NUDT14: variants seen among roughly 807,000 people sequenced by gnomAD.
NUDT14 encodes the protein uridine diphosphate glucose pyrophosphatase NUDT14.
A neutral mutation model predicts 17.5 loss-of-function variants in NUDT14; 22 were observed. That is an observed-to-expected ratio of 1.26 (90% CI 0.90 to 1.80). The LOEUF is 1.80. NUDT14 is among the 40% of genes most tolerant of loss of function. The pLI is 0.00. For missense variants in NUDT14, 296 were observed against 295.6 expected (o/e 1.00, Z -0.01); for synonymous variants, 129 against 125.8 (o/e 1.03, Z -0.17).
intron 2 of NUDT14, 105 bp from the exon 3 acceptor site, chr14:105,177,132 AG>A: frequency 9.2e-7 from 1 of 1,085,148 alleles, no homozygotes; most frequent in South Asian, 1.3e-5. Flanking sequence ...CCTCCTTGCC[AG>A]CAGCCCAGGG....
intron 4 of NUDT14, 96 bp downstream of exon 4, chr14:105,176,438 G>A (rs1412124612): frequency 2.0e-6 from 2 of 1,022,668 alleles, no homozygotes; most frequent in Admixed American, 1.8e-5. Context: ...AAAACAAGGA[G>A]GAATCCATCC....
rs587735509 is a variant in NUDT14 at position 105,173,335 on chromosome 14, C to T, written c.429-74G>A. 208 of 1,402,270 alleles carry T rather than the reference C, an allele frequency of 1.5e-4. No homozygotes were observed. In the African/African-American group the frequency reaches 2.7e-3, roughly 18 times the overall value. The allele number at this position is 1,402,270 out of a possible 1,614,324, so 86.9% of individuals were successfully genotyped here. A position where few individuals can be genotyped will look rare whatever the true frequency, so the allele number is the denominator to read the frequency against. On this transcript the variant is annotated intron_variant, in intron 4 of 4. Coordinates refer to ENST00000392568, the MANE Select transcript of NUDT14 (RefSeq NM_177533.5). This position sits in a 1 kb window ranked among gnomAD's most constrained non-coding sequence, Gnocchi z 4.7. ...GCCCCCTGGCCCTTCTACCACCCTC[C>T]AACCCACCCTCTCCACTCTGCTCCC...
intron 4 of NUDT14, among the ~76,000 whole-genome samples, chr14:105,174,283 G>C (rs976491883): frequency 1.3e-5 from 2 of 152,084 alleles, no homozygotes; most frequent in African/African-American, 4.8e-5. Context: ...TGGCAGAGGG[G>C]CTGGGCTGCA....
chr14:105,178,963 A>G (rs1889274018), intron 1 of NUDT14, among the ~76,000 whole-genome samples: 1 of 152,084 alleles, frequency 6.6e-6, no homozygotes, highest in East Asian at 1.9e-4. Context: ...CACTCCCGGG[A>G]GGCGACCCCA....
At position 105,174,009 on chromosome 14, in the gene NUDT14, C is replaced by T. The variant is rs1889160458; in HGVS notation, c.429-748G>A. Among the ~76,000 whole-genome samples, 3 of 152,200 alleles carry T rather than the reference C, an allele frequency of 2.0e-5. No homozygotes were observed. The South Asian group carries it at 6.2e-4, about 32-fold the overall frequency. ...TCCCGCAAGGGTTCCCCACCAGGCA[C>T]CCACAGGACACAAGTTTCAGACTAG... On this transcript the variant is annotated intron_variant, in intron 4 of 4. Transcript: ENST00000392568.
At chr14:105,179,383 T>C (rs2141304559) in intron 1 of NUDT14, among the ~76,000 whole-genome samples, 1 of 152,288 alleles carries the variant, frequency 6.6e-6, no homozygotes, top group Admixed American at 6.5e-5. Flanking sequence ...TCCAGCCCAA[T>C]GTCCCTTGGC....
intron 4 of NUDT14, among the ~76,000 whole-genome samples, chr14:105,174,888 CAG>C (rs1359202843): frequency 6.6e-6 from 1 of 152,204 alleles, no homozygotes; most frequent in African/African-American, 2.4e-5. Flanking sequence ...GAATCAGAGA[CAG>C]GGAGCCACGG....
intron 2 of NUDT14, chr14:105,177,269 G>A: frequency 1.6e-6 from 1 of 643,942 alleles, no homozygotes; most frequent in Non-Finnish European, 2.8e-6. Context: ...GCGGGGGGCA[G>A]GGAAGGACAC....
At chr14:105,177,851 C>G in intron 1 of NUDT14, 116 bp from the exon 2 acceptor site, 1 of 963,012 alleles carries the variant, frequency 1.0e-6, no homozygotes, top group South Asian at 1.5e-5. Context: ...GGCTCGTGGC[C>G]TGGGCCCACG....
intron 1 of NUDT14, among the ~76,000 whole-genome samples, chr14:105,178,135 AGAG>A (rs1298558284): frequency 6.6e-6 from 1 of 151,956 alleles, no homozygotes; most frequent in Non-Finnish European, 1.5e-5. Flanking sequence ...CCCTGCAGGC[AGAG>A]GAGAGGTCAG....
chr14:105,174,133 G>A (rs1889163312), intron 4 of NUDT14, among the ~76,000 whole-genome samples: 1 of 152,124 alleles, frequency 6.6e-6, no homozygotes, highest in African/African-American at 2.4e-5. Flanking sequence ...GGCCCAGGCT[G>A]GGGAGGGGTA....
At chr14:105,174,640 C>CGCGGCT (rs1889173407) in intron 4 of NUDT14, among the ~76,000 whole-genome samples, 1 of 152,136 alleles carries the variant, frequency 6.6e-6, no homozygotes, top group South Asian at 2.1e-4. Context: ...CGGCGGCGGC[C>CGCGGCT]GCGGCTGCGC....
chr14:105,181,115 G>C lies in NUDT14; in HGVS notation c.81+14C>G. ...GCCGGCGGGGGCGCGGGGGACGCGGGGGCGCGGGCTCACCTGGCGGTAATG... is the reference window on the plus strand; with the variant it reads ...GCCGGCGGGGGCGCGGGGGACGCGGCGGCGCGGGCTCACCTGGCGGTAATG... On this transcript the variant is annotated intron_variant, in intron 1 of 4. Coordinates refer to ENST00000392568, the MANE Select transcript of NUDT14 (RefSeq NM_177533.5). The surrounding 1 kb of genome is among the most constrained non-coding windows in gnomAD (Gnocchi z 5.0). 1 of 1,014,822 alleles carries C rather than the reference G, an allele frequency of 9.9e-7. No individual in the cohort carries two copies. Among genetic ancestry groups the C allele is most frequent in the Non-Finnish European group, 1.2e-6 (1 of 836,848 alleles). The allele number at this position is 1,014,822 out of a possible 1,614,324, so 62.9% of individuals were successfully genotyped here.
chr14:105,175,760 G>C, intron 4 of NUDT14: 1 of 1,007,852 alleles, frequency 9.9e-7, no homozygotes, highest in Non-Finnish European at 1.2e-6. Context: ...ACGTGCCCAG[G>C]TGAAGTCCTT....
intron 1 of NUDT14, among the ~76,000 whole-genome samples, chr14:105,179,550 G>A (rs982699579): frequency 1.3e-5 from 2 of 152,270 alleles, no homozygotes; most frequent in Admixed American, 1.3e-4. Flanking sequence ...CACGGGGAGT[G>A]AGGGAGAGAG....
At chr14:105,176,872 A>G (rs1256945646) in intron 3 of NUDT14, 91 bp downstream of exon 3, 4 of 1,552,482 alleles carry the variant, frequency 2.6e-6, no homozygotes, top group Non-Finnish European at 3.5e-6. Flanking sequence ...CTTCCCCTGG[A>G]GCCCCCTCCC....
At chr14:105,180,328 G>A (rs1889300258) in intron 1 of NUDT14, among the ~76,000 whole-genome samples, 1 of 152,102 alleles carries the variant, frequency 6.6e-6, no homozygotes, top group Non-Finnish European at 1.5e-5. Context: ...AGCCAGGTGT[G>A]GTGGTGTGCA....
At chr14:105,177,186 G>A (rs767073190) in intron 2 of NUDT14, 159 bp from the exon 3 acceptor site, 26 of 687,620 alleles carry the variant, frequency 3.8e-5, no homozygotes, top group South Asian at 2.9e-4. Context: ...AGGCCCAGGC[G>A]GGACCAGAGC....
chr14:105,173,276 A>G lies in NUDT14; in HGVS notation c.429-15T>C. 1 of 1,508,688 alleles carries G rather than the reference A, an allele frequency of 6.6e-7. No homozygotes were observed. The allele number at this position is 1,508,688 out of a possible 1,614,324, so 93.5% of individuals were successfully genotyped here. On this transcript the variant is annotated splice_polypyrimidine_tract_variant and intron_variant, in intron 4 of 4. Coordinates refer to ENST00000392568, the MANE Select transcript of NUDT14 (RefSeq NM_177533.5). This position sits in a 1 kb window ranked among gnomAD's most constrained non-coding sequence, Gnocchi z 4.7. ...CCACTCCAGACCTACGGGTTGAGAC[A>G]GGGTCTGCTGAGTCACCCACGCTGG...
Sources: gnomAD v4.1 joint callset for allele counts (sites outside exome capture counted in the v4.1 genomes callset) on GRCh38, gnomAD v4.1.1 for gene constraint, Gnocchi (gnomAD v3.1) non-coding constraint, MANE v1.5 for transcripts, NCBI Gene and HGNC (gene_info 2026-07-23, HGNC 2026-07-21) for gene names.